Variants in GMDS observed in about 807,000 individuals in gnomAD.
GMDS encodes GDP-mannose 4,6 dehydratase.
A neutral mutation model predicts 49.9 loss-of-function variants in GMDS; 20 were observed. That is an observed-to-expected ratio of 0.40 (90% confidence interval 0.28 to 0.58). The LOEUF (loss-of-function observed/expected upper bound fraction) is 0.58, where lower values mean the gene tolerates loss of function less well. Among genes scored for constraint, GMDS ranks in the 20% least tolerant of loss-of-function variants. GMDS has a pLI of 0.42. For synonymous variants in GMDS, 177 were observed against 178.6 expected, an observed-to-expected ratio of 0.99 and a Z score of 0.07; for missense variants, 362 against 481.4, an observed-to-expected ratio of 0.75 and a Z score of 2.32.
chr6:2,245,244 C>T (rs1372844318), intron 1 of GMDS, 77 bp downstream of exon 1: 1 of 1,020,364 alleles, frequency 9.8e-7, no homozygotes, highest in Non-Finnish European at 1.5e-6. Flanking sequence ...GAGACCGCAG[C>T]CCACGAGTAG....
intron 5 of GMDS, 69 bp from the exon 6 acceptor site, chr6:1,960,040 A>C (rs1763853046): frequency 1.2e-6 from 1 of 866,796 alleles, no homozygotes; most frequent in African/African-American, 1.7e-5. Flanking sequence ...CATCTTCAAC[A>C]GTAACATCTT....
chr6:1,969,119 G>A (rs951845796), intron 4 of GMDS, among the ~76,000 whole-genome samples: 6 of 151,552 alleles, frequency 4.0e-5, no homozygotes, highest in Non-Finnish European at 7.4e-5. Context: ...AAAATTAGCT[G>A]GGCATGGTGG....
At chr6:2,068,295 C>G (rs1348269895) in intron 4 of GMDS, among the ~76,000 whole-genome samples, 3 of 150,778 alleles carry the variant, frequency 2.0e-5, no homozygotes, top group Non-Finnish European at 4.5e-5. Flanking sequence ...TATGACAAAC[C>G]CACAGCCAAT....
chr6:2,241,198 C>T (rs949804335), intron 1 of GMDS, among the ~76,000 whole-genome samples: 2 of 152,148 alleles, frequency 1.3e-5, no homozygotes, highest in East Asian at 1.9e-4. Context: ...GCTGCTCCGA[C>T]ATCCTGGCTG....
rs1032830711 is a variant in GMDS, at chr6:2,050,068, TA to T, written c.345+65702del. On this transcript the variant is annotated intron_variant, in intron 4 of 10. Transcript: ENST00000380815. ...AGACATAGAGACACAAAAAACCCTT[TA>T]AAAAATCACTAAAACCAGGAGCTGG... Among the ~76,000 whole-genome samples, 3 of 151,782 alleles carry T rather than the reference TA, an allele frequency of 2.0e-5. No individual in the cohort carries two copies. The South Asian group carries it at 6.2e-4, about 32-fold the overall frequency.
intron 1 of GMDS, among the ~76,000 whole-genome samples, chr6:2,149,601 G>T (rs1002821589): frequency 1.3e-5 from 2 of 152,210 alleles, no homozygotes; most frequent in African/African-American, 2.4e-5. Context: ...TCCCACGCCA[G>T]TTCTGAATCC....
At chr6:2,028,144 T>C (rs868258564) in intron 4 of GMDS, among the ~76,000 whole-genome samples, 1 of 152,210 alleles carries the variant, frequency 6.6e-6, no homozygotes, top group Non-Finnish European at 1.5e-5. Flanking sequence ...TGAACAAACA[T>C]CTTTATGTGT....
intron 4 of GMDS, among the ~76,000 whole-genome samples, chr6:2,113,169 AC>A (rs1003286863): frequency 4.4e-4 from 67 of 152,180 alleles, no homozygotes; most frequent in African/African-American, 1.6e-3. Context: ...GGTTTCTAGT[AC>A]TGGTTCTATT....
chr6:2,208,691 G>A lies in GMDS; in HGVS notation c.102+36630C>T, dbSNP rs373094074. ...AGAGCTCAATGTAGCTGAAATACCCGAAGGAAAGTAAAAGCACTTTAGAAA... is the reference window on the plus strand; with the variant it reads ...AGAGCTCAATGTAGCTGAAATACCCAAAGGAAAGTAAAAGCACTTTAGAAA... On this transcript the variant is annotated intron_variant, in intron 1 of 10. Transcript: ENST00000380815. Among the ~76,000 whole-genome samples, 22 of 152,088 alleles carry A rather than the reference G, an allele frequency of 1.4e-4. No homozygotes were observed. In the East Asian group the frequency reaches 1.5e-3, roughly 11 times the overall value.
intron 8 of GMDS, among the ~76,000 whole-genome samples, chr6:1,740,412 A>T (rs2113484143): frequency 6.6e-6 from 1 of 152,066 alleles, no homozygotes; most frequent in African/African-American, 2.4e-5. Flanking sequence ...CAAAAATTAG[A>T]TGGGCGTGGT....
intron 2 of GMDS, among the ~76,000 whole-genome samples, chr6:2,119,777 A>G (rs1775043229): frequency 6.6e-6 from 1 of 152,220 alleles, no homozygotes; most frequent in African/African-American, 2.4e-5. Flanking sequence ...ATAGTAGTTC[A>G]AAAACAAAAT....
intron 4 of GMDS, among the ~76,000 whole-genome samples, chr6:2,089,404 C>T (rs1379832641): frequency 6.6e-6 from 1 of 151,326 alleles, no homozygotes; most frequent in African/African-American, 2.4e-5. Flanking sequence ...GAACCGAGAA[C>T]AAAATAAAAT....
intron 4 of GMDS, among the ~76,000 whole-genome samples, chr6:2,001,404 T>A (rs1386569077): frequency 6.6e-6 from 1 of 152,196 alleles, no homozygotes; most frequent in East Asian, 1.9e-4. Context: ...ATCAGATACA[T>A]GATTTGCAAA....
chr6:1,630,498 G>A (rs547104563), intron 9 of GMDS, among the ~76,000 whole-genome samples: 1 of 152,220 alleles, frequency 6.6e-6, no homozygotes, highest in African/African-American at 2.4e-5. Context: ...GTCCAGCCCT[G>A]TGCAACTTTG....
chr6:2,047,797 C>T (rs1263035721), intron 4 of GMDS, among the ~76,000 whole-genome samples: 5 of 152,146 alleles, frequency 3.3e-5, no homozygotes, highest in African/African-American at 1.2e-4. Flanking sequence ...CCCGTTCACA[C>T]AATTTTTAAG....
chr6:1,636,408 T>C lies in GMDS; in HGVS notation c.988-11868A>G, dbSNP rs115207893. 7.6e-3 allele frequency among the ~76,000 whole-genome samples: 1,153 copies of C among 152,360 alleles called. 17 individuals carry two copies. Among genetic ancestry groups the C allele is most frequent in the African/African-American group, 0.026 (1,085 of 41,584 alleles). On this transcript the variant is annotated intron_variant, in intron 9 of 10. Coordinates refer to ENST00000380815, the MANE Select transcript of GMDS (RefSeq NM_001500.4). Reference sequence around the variant, plus strand: ...GATTGAGCCAGGGCTGACAAAGGGCTAGCCTGAGGCTGAAGTTGGGCAAAA... The same window carrying C: ...GATTGAGCCAGGGCTGACAAAGGGCCAGCCTGAGGCTGAAGTTGGGCAAAA...
At chr6:1,652,882 A>C (rs1015559883) in intron 9 of GMDS, among the ~76,000 whole-genome samples, 1 of 141,228 alleles carries the variant, frequency 7.1e-6, no homozygotes, top group Non-Finnish European at 1.5e-5. Flanking sequence ...AGGCTGCCAC[A>C]CTCATGTGTG....
chr6:1,686,420 G>C (rs138329671), intron 9 of GMDS, among the ~76,000 whole-genome samples: 1 of 152,182 alleles, frequency 6.6e-6, no homozygotes, highest in African/African-American at 2.4e-5. Context: ...GAGAGGGTGT[G>C]GGGGGAAGCT....
intron 4 of GMDS, among the ~76,000 whole-genome samples, chr6:1,994,593 G>T (rs1461632350): frequency 6.6e-6 from 1 of 152,030 alleles, no homozygotes; most frequent in Non-Finnish European, 1.5e-5. Flanking sequence ...GGGTCTCATA[G>T]ATGCAAAGCA....
Sources: allele counts gnomAD v4.1 joint callset (sites outside exome capture counted in the v4.1 genomes callset), GRCh38; gene constraint gnomAD v4.1.1; transcripts MANE v1.5; gene names NCBI Gene and HGNC (gene_info 2026-07-23, HGNC 2026-07-21).